MYO18A: variants seen among roughly 807,000 people sequenced by gnomAD.
MYO18A encodes myosin XVIIIA.
MYO18A carries 78 observed loss-of-function variants against 235.8 expected under a neutral mutation model. The ratio of observed to expected loss-of-function variants is 0.33; its 90% CI spans 0.28 to 0.40. MYO18A has a LOEUF of 0.40. MYO18A is among the 10% of genes least tolerant of loss of function. MYO18A has a pLI of 1.00. For missense variants in MYO18A, 2,215 were observed against 2,699.3 expected (o/e 0.82, Z 3.98); for synonymous variants, 977 against 1,077.8 (o/e 0.91, Z 1.83).
chr17:29,151,669 T>C (rs1427848553), intron 2 of MYO18A, among the ~76,000 whole-genome samples: 1 of 152,196 alleles, frequency 6.6e-6, no homozygotes, highest in Non-Finnish European at 1.5e-5. Flanking sequence ...AATCACACAA[T>C]GGTTCCTTGT....
In MYO18A at chr17:29,158,171, G is replaced by T. The variant is rs951804772; in HGVS notation, c.999+7771C>A. On this transcript the variant is annotated intron_variant, in intron 2 of 41. Transcript: ENST00000527372. This position sits in a 1 kb window ranked among gnomAD's most constrained non-coding sequence, Gnocchi z 4.3. ...ACTATGCACCATACTGAGCGCCACAGATAACACCCGGCGAACACCCGGCAA... is the reference window on the plus strand; with the variant it reads ...ACTATGCACCATACTGAGCGCCACATATAACACCCGGCGAACACCCGGCAA... Among the ~76,000 whole-genome samples, 8 of 152,146 alleles carry T rather than the reference G, an allele frequency of 5.3e-5. No homozygotes were observed. Among genetic ancestry groups the T allele is most frequent in the African/African-American group, 1.9e-4 (8 of 41,418 alleles).
intron 2 of MYO18A, among the ~76,000 whole-genome samples, chr17:29,136,397 G>A (rs2067604671): frequency 6.6e-6 from 1 of 150,758 alleles, no homozygotes; most frequent in Admixed American, 6.6e-5. Flanking sequence ...GGTGGTGGCA[G>A]CATATGTGTT....
intron 2 of MYO18A, among the ~76,000 whole-genome samples, chr17:29,135,187 G>A (rs2067567792): frequency 1.3e-5 from 2 of 151,340 alleles, no homozygotes; most frequent in Middle Eastern, 3.4e-3. Flanking sequence ...TGCAACCTCC[G>A]CCTCCCGGGT....
In MYO18A at chr17:29,166,993, G is replaced by C; in HGVS notation, c.-53C>G. ...ACCCCCAGAGGATTATGAGTGCTTA[G>C]CACAGGGCCTTGGTGCCCCACTTTG... On this transcript the variant is annotated 5_prime_UTR_variant, in exon 2 of 42. Coordinates refer to ENST00000527372, the MANE Select transcript of MYO18A (RefSeq NM_078471.4). The C allele has an allele frequency of 1.9e-5, 28 of 1,465,396 alleles. No individual in the cohort carries two copies. The highest frequency in any genetic ancestry group is 2.5e-5 in the Non-Finnish European group (28 of 1,105,928). The allele number at this position is 1,465,396 out of a possible 1,614,324, so 90.8% of individuals were successfully genotyped here. A position where few individuals can be genotyped will look rare whatever the true frequency, so the allele number is the denominator to read the frequency against.
chr17:29,099,799 G>C (rs372956423), intron 21 of MYO18A, 37 bp from the exon 22 acceptor site: 11 of 1,602,996 alleles, frequency 6.9e-6, no homozygotes, highest in South Asian at 6.7e-5. Context: ...CAGGATACTG[G>C]GCCAGCCCAG....
rs2068105806 is a variant in MYO18A, at chr17:29,158,484, G to T, written c.999+7458C>A. On this transcript the variant is annotated intron_variant, in intron 2 of 41. Transcript: ENST00000527372. The surrounding 1 kb of genome is among the most constrained non-coding windows in gnomAD (Gnocchi z 4.3). Reference sequence around the variant, plus strand: ...CCCCATCAAACTGCACAGCAGAGGTGGGGGCCCTGAAAACTCCGCTCTTTC... The same window carrying T: ...CCCCATCAAACTGCACAGCAGAGGTTGGGGCCCTGAAAACTCCGCTCTTTC... Among the ~76,000 whole-genome samples, 1 of 152,200 alleles carries T rather than the reference G, an allele frequency of 6.6e-6. No homozygotes were observed. The highest frequency in any genetic ancestry group is 2.1e-4 in the South Asian group (1 of 4,820).
In MYO18A at chr17:29,074,861, T is replaced by A; in HGVS notation, c.6074A>T (p.Asp2025Val). The change falls in exon 42 of 42, where the codon GAC (aspartate) becomes GTC (valine). Residue 2025 changes from aspartate (D) to valine (V), a missense_variant. Coordinates refer to ENST00000527372, the MANE Select transcript of MYO18A (RefSeq NM_078471.4). This position sits in a 1 kb window ranked among gnomAD's most constrained non-coding sequence, Gnocchi z 4.4. The stretch of plus-strand genomic sequence containing the variant: ...CGGTCTGGAGGTGTTGTCGAGAGGG[T>A]CGTGCTCATCATCTGACCGATCAGG... ...LAPDRSDDEH[D>V]PLDNTSRPRY... 1 of 1,613,684 alleles carries A rather than the reference T, an allele frequency of 6.2e-7. No homozygotes were observed. Among genetic ancestry groups the A allele is most frequent in the Non-Finnish European group, 8.5e-7 (1 of 1,179,814 alleles).
At position 29,096,891 on chromosome 17, in the gene MYO18A, C is replaced by T. The variant is rs2066531338; in HGVS notation, c.4255G>A (p.Glu1419Lys). The T allele has an allele frequency of 6.3e-7, 1 of 1,576,752 alleles. No individual in the cohort carries two copies. The highest frequency in any genetic ancestry group is 8.6e-7 in the Non-Finnish European group (1 of 1,162,300). The change falls in exon 28 of 42, where the codon GAG (glutamate) becomes AAG (lysine). Residue 1419 changes from glutamate (E) to lysine (K), a missense_variant. Transcript: ENST00000527372. ...RRLGDLQADS[E>K]ESQRALQQLK... is the part of the protein sequence containing the mutation. The stretch of plus-strand genomic sequence containing the variant: ...TGCTGCAGAGCCCGCTGACTCTCCT[C>T]ACTATCTGCCTGCAGGTCCCCGAGC...
In MYO18A at chr17:29,111,971, A is replaced by T; in HGVS notation, c.2599-108T>A. On this transcript the variant is annotated intron_variant, in intron 15 of 41. Transcript: ENST00000527372. The surrounding 1 kb of genome is among the most constrained non-coding windows in gnomAD (Gnocchi z 5.1). ...TACAGAATGCTACACATGTGCACAC[A>T]TGCACACACGCACATGCCGCAGCTC... The T allele has an allele frequency of 3.7e-6, 5 of 1,345,246 alleles. No homozygotes were observed. Among genetic ancestry groups the T allele is most frequent in the Non-Finnish European group, 5.1e-6 (5 of 987,982 alleles). The allele number at this position is 1,345,246 out of a possible 1,614,324, so 83.3% of individuals were successfully genotyped here.
At chr17:29,093,493 C>T in intron 31 of MYO18A, 66 bp from the exon 32 acceptor site, 1 of 1,254,336 alleles carries the variant, frequency 8.0e-7, no homozygotes, top group Non-Finnish European at 1.1e-6. Flanking sequence ...AGGCCCCTTC[C>T]ATTCTGGGTT....
chr17:29,151,904 C>G (rs912603532), intron 2 of MYO18A, among the ~76,000 whole-genome samples: 1 of 152,178 alleles, frequency 6.6e-6, no homozygotes, highest in Non-Finnish European at 1.5e-5. Flanking sequence ...CTGGACACCT[C>G]CCTGTGTCAC....
intron 31 of MYO18A, among the ~76,000 whole-genome samples, chr17:29,093,707 C>T (rs1026093886): frequency 9.2e-5 from 14 of 152,164 alleles, no homozygotes; most frequent in Non-Finnish European, 1.9e-4. Flanking sequence ...TGGCTGACTG[C>T]AGGCAGCACC....
chr17:29,076,394 GC>G (rs1226768234), intron 41 of MYO18A: 1 of 151,370 alleles, frequency 6.6e-6, no homozygotes, highest in Non-Finnish European at 1.5e-5. Flanking sequence ...TTGGGCAAGT[GC>G]CCAGGGGTTA....
At chr17:29,084,160 G>A (rs935030964) in intron 40 of MYO18A, among the ~76,000 whole-genome samples, 11 of 152,190 alleles carry the variant, frequency 7.2e-5, no homozygotes, top group Non-Finnish European at 1.3e-4. Flanking sequence ...GTCCCCATGC[G>A]TCTATGTGAG....
intron 2 of MYO18A, among the ~76,000 whole-genome samples, chr17:29,124,047 CAA>C (rs10716167): frequency 1.3e-3 from 182 of 141,462 alleles, no homozygotes; most frequent in African/African-American, 3.3e-3. Context: ...GACTCCATCT[CAA>C]AAAAAAAAAA....
chr17:29,155,347 A>G (rs1187722285), intron 2 of MYO18A: 3 of 152,460 alleles, frequency 2.0e-5, no homozygotes, highest in African/African-American at 4.8e-5. Flanking sequence ...CCCACCACAC[A>G]TGCAGCCCTC....
intron 34 of MYO18A, chr17:29,091,167 C>T (rs1351995131): frequency 2.0e-6 from 1 of 509,372 alleles, no homozygotes; most frequent in African/African-American, 1.9e-5. Flanking sequence ...ATGACAGCTG[C>T]TTCCTGGCAG....
Position 29,140,377 on chromosome 17 carries a change from A to T in MYO18A, c.1000-18124T>A, listed in dbSNP as rs746267584. On this transcript the variant is annotated intron_variant, in intron 2 of 41. Coordinates refer to ENST00000527372, the MANE Select transcript of MYO18A (RefSeq NM_078471.4). The surrounding 1 kb of genome is among the most constrained non-coding windows in gnomAD (Gnocchi z 4.2). ...GCCTGGAGCAGCCCAGAGCAAGGAG[A>T]CTCCGCTCTGATGCTGCTCTGGCTC... 7.8e-7 allele frequency: 1 copy of T among 1,283,730 alleles called. No individual in the cohort carries two copies. Among genetic ancestry groups the T allele is most frequent in the South Asian group, 1.2e-5 (1 of 80,374 alleles). 79.5% of individuals were successfully genotyped at this position (1,283,730 alleles called of 1,614,324 possible).
intron 2 of MYO18A, among the ~76,000 whole-genome samples, chr17:29,124,912 G>T (rs1341453344): frequency 6.6e-6 from 1 of 152,132 alleles, no homozygotes; most frequent in Non-Finnish European, 1.5e-5. Flanking sequence ...AGAGACACTA[G>T]TGACCATCAG....
Sources: gnomAD v4.1 joint callset for allele counts (sites outside exome capture counted in the v4.1 genomes callset) on GRCh38, gnomAD v4.1.1 for gene constraint, Gnocchi (gnomAD v3.1) non-coding constraint, MANE v1.5 for transcripts, NCBI Gene and HGNC (gene_info 2026-07-23, HGNC 2026-07-21) for gene names.